Variants in CELF2 observed in about 807,000 individuals in gnomAD.
CELF2 encodes CUGBP Elav-like family member 2, also known as CUG triplet repeat RNA-binding protein 2.
Under a neutral mutation model 62.6 loss-of-function variants are expected in CELF2, and 8 were observed. That is an observed-to-expected ratio of 0.13 (90% CI 0.07 to 0.23). The LOEUF (loss-of-function observed/expected upper bound fraction) is 0.23. CELF2 is among the 10% of genes least tolerant of loss of function. CELF2 has a pLI of 1.00. For synonymous variants in CELF2, 258 were observed against 250.0 expected (o/e 1.03, Z -0.30); for missense variants, 333 against 671.0 (o/e 0.50, Z 5.56).
intron 5 of CELF2, among the ~76,000 whole-genome samples, chr10:11,265,560 A>G (rs1390559076): frequency 5.9e-5 from 9 of 152,246 alleles, no homozygotes; most frequent in Non-Finnish European, 8.8e-5. Flanking sequence ...CTGAATCTGC[A>G]TTAATTTCAC....
intron 1 of CELF2, among the ~76,000 whole-genome samples, chr10:10,873,873 G>C (rs1356039681): frequency 1.3e-5 from 2 of 152,074 alleles, no homozygotes; most frequent in Non-Finnish European, 2.9e-5. Flanking sequence ...ACAGCTTCCT[G>C]TGAGCAAAGC....
chr10:11,130,218 T>G (rs1265902816), intron 1 of CELF2, among the ~76,000 whole-genome samples: 1 of 152,252 alleles, frequency 6.6e-6, no homozygotes, highest in Non-Finnish European at 1.5e-5. Flanking sequence ...TCTAATTTGG[T>G]TGCACTGTGG....
chr10:10,852,749 C>T (rs1440555577), intron 1 of CELF2, among the ~76,000 whole-genome samples: 1 of 152,168 alleles, frequency 6.6e-6, no homozygotes, highest in Non-Finnish European at 1.5e-5. Context: ...TGTGTTATCT[C>T]CTTTAATTGA....
intron 1 of CELF2, among the ~76,000 whole-genome samples, chr10:10,835,481 C>G (rs2058212148): frequency 6.6e-6 from 1 of 151,624 alleles, no homozygotes; most frequent in Non-Finnish European, 1.5e-5. Flanking sequence ...CTCCCGGGTT[C>G]TAGCGATTCT....
At position 11,142,375 on chromosome 10, in the gene CELF2, G is replaced by T. The variant is rs148441951; in HGVS notation, c.75-23111G>T. 4.8e-3 allele frequency among the ~76,000 whole-genome samples: 731 copies of T among 152,052 alleles called. 7 individuals are homozygous for T. Among genetic ancestry groups the T allele is most frequent in the African/African-American group, 0.017 (693 of 41,362 alleles). ...ATCCAGTGGTGAAGAACTTTGGAGT[G>T]ACGATTAAAAGTGGATGGGCTGGGC... On this transcript the variant is annotated intron_variant, in intron 1 of 12. Coordinates refer to ENST00000633077, the MANE Select transcript of CELF2 (RefSeq NM_001326342.2).
At chr10:10,677,175 G>A in the CELF2 span, among the ~76,000 whole-genome samples, 2 of 152,182 alleles carry the variant, frequency 1.3e-5, no homozygotes, top group African/African-American at 2.4e-5. Flanking sequence ...GTTACAGGAT[G>A]TTAATAAAAT....
chr10:10,866,603 C>T (rs1337826074), intron 1 of CELF2, among the ~76,000 whole-genome samples: 1 of 109,136 alleles, frequency 9.2e-6, no homozygotes, highest in African/African-American at 3.6e-5. Context: ...AGACTCCATC[C>T]TCTCAAAAAA....
At chr10:10,644,402 C>CGTGT in the CELF2 span, among the ~76,000 whole-genome samples, 32,584 of 149,798 alleles carry the variant, frequency 0.22, 3,635 homozygotes, top group South Asian at 0.39. Flanking sequence ...AGTGTGTGTT[C>CGTGT]GTGTGTGTGT....
At chr10:10,793,481 T>C (rs1253032839), upstream of CELF2, among the ~76,000 whole-genome samples, 2 of 152,106 alleles carry the variant, frequency 1.3e-5, no homozygotes, top group African/African-American at 2.4e-5. Flanking sequence ...TAAGAAAACA[T>C]AGCCGCTACA....
the CELF2 span, among the ~76,000 whole-genome samples, chr10:10,631,343 G>A: frequency 6.6e-6 from 1 of 152,198 alleles, no homozygotes; most frequent in African/African-American, 2.4e-5. Flanking sequence ...CTTCTGTGCA[G>A]GCATGGAGGT....
intron 1 of CELF2, among the ~76,000 whole-genome samples, chr10:10,881,955 T>C (rs2133694533): frequency 6.6e-6 from 1 of 152,372 alleles, no homozygotes; most frequent in South Asian, 2.1e-4. Flanking sequence ...TGACACCTTT[T>C]GTATGTAGTA....
chr10:10,911,280 A>T (rs961701147), intron 1 of CELF2, among the ~76,000 whole-genome samples: 23 of 152,156 alleles, frequency 1.5e-4, no homozygotes, highest in Admixed American at 1.2e-3. Flanking sequence ...TGGCAGTTTG[A>T]TTTTCAAGGC....
chr10:11,161,219 A>G (rs765932195), intron 1 of CELF2, among the ~76,000 whole-genome samples: 5 of 152,366 alleles, frequency 3.3e-5, no homozygotes, highest in Non-Finnish European at 4.4e-5. Flanking sequence ...TGAGAATACT[A>G]TTGCCCACTG....
rs1270603081 is a variant in CELF2, at chr10:11,178,323, C to G, written c.271+12641C>G. 3.9e-5 allele frequency among the ~76,000 whole-genome samples: 6 copies of G among 152,222 alleles called. No homozygotes were observed. Among genetic ancestry groups the G allele is most frequent in the Admixed American group, 3.9e-4 (6 of 15,288 alleles). ...ATACAGCTGCCAGGTGGCGCTGGCT[C>G]TTAGCTGTTCTGCAAGTCCAGCACA... On this transcript the variant is annotated intron_variant, in intron 2 of 12. Transcript: ENST00000633077. The surrounding 1 kb of genome is among the most constrained non-coding windows in gnomAD (Gnocchi z 4.3).
At chr10:11,067,891 G>T (rs1457688623) in intron 1 of CELF2, among the ~76,000 whole-genome samples, 1 of 152,196 alleles carries the variant, frequency 6.6e-6, no homozygotes, top group Non-Finnish European at 1.5e-5. Flanking sequence ...GCAAGATTTT[G>T]AGAATTAAAA....
At chr10:10,493,458 A>G in the CELF2 span, among the ~76,000 whole-genome samples, 1 of 152,132 alleles carries the variant, frequency 6.6e-6, no homozygotes, top group Non-Finnish European at 1.5e-5. Context: ...ACCAAAAAAA[A>G]ATAAGTTTCA....
At chr10:11,067,276 TAA>T (rs2068432113) in intron 1 of CELF2, among the ~76,000 whole-genome samples, 2 of 152,238 alleles carry the variant, frequency 1.3e-5, no homozygotes, top group African/African-American at 4.8e-5. Context: ...GGGCTTACGT[TAA>T]GTCATGATAT....
At chr10:11,176,705 C>G (rs772630475) in intron 2 of CELF2, among the ~76,000 whole-genome samples, 4 of 152,214 alleles carry the variant, frequency 2.6e-5, no homozygotes, top group Non-Finnish European at 5.9e-5. Flanking sequence ...CAGATGCTTT[C>G]AGATGTTCTC....
At chr10:10,860,241 ACTC>A (rs1312320488) in intron 1 of CELF2, among the ~76,000 whole-genome samples, 1 of 152,126 alleles carries the variant, frequency 6.6e-6, no homozygotes, top group Non-Finnish European at 1.5e-5. Context: ...CCTCTGGAAA[ACTC>A]CACAGTGCAT....
Sources: allele counts gnomAD v4.1 joint callset (sites outside exome capture counted in the v4.1 genomes callset), GRCh38; gene constraint gnomAD v4.1.1; non-coding constraint Gnocchi (gnomAD v3.1); transcripts MANE v1.5; gene names NCBI Gene and HGNC (gene_info 2026-07-23, HGNC 2026-07-21).